EARS2: variants seen among roughly 807,000 people sequenced by gnomAD.
The protein encoded by EARS2 is nondiscriminating glutamyl-tRNA synthetase EARS2, mitochondrial.
A neutral mutation model predicts 54.1 loss-of-function variants in EARS2; 50 were observed. The ratio of observed to expected loss-of-function variants is 0.92; its 90% confidence interval spans 0.74 to 1.17. EARS2 has a LOEUF of 1.17. Among genes scored for constraint, EARS2 ranks in the 50% most tolerant of loss-of-function variants. The pLI is 0.00. For missense variants in EARS2, 673 were observed against 675.0 expected, an observed-to-expected ratio of 1.00 and a Z score of 0.03; for synonymous variants, 298 against 281.0, an observed-to-expected ratio of 1.06 and a Z score of -0.61.
intron 2 of EARS2, among the ~76,000 whole-genome samples, chr16:23,548,633 G>T (rs1377039197): frequency 6.6e-6 from 1 of 152,062 alleles, no homozygotes; most frequent in Admixed American, 6.6e-5. Context: ...CTCCAGGCTG[G>T]AGTGTAATGG....
chr16:23,542,124 C>A (rs895022817), intron 3 of EARS2, among the ~76,000 whole-genome samples: 1 of 150,500 alleles, frequency 6.6e-6, no homozygotes, highest in Non-Finnish European at 1.5e-5. Flanking sequence ...TCCCAACGTA[C>A]GGGGATTACA....
At chr16:23,527,888 C>A (rs571981915) in intron 7 of EARS2, among the ~76,000 whole-genome samples, 59 of 152,284 alleles carry the variant, frequency 3.9e-4, no homozygotes, top group Admixed American at 6.5e-4. Context: ...TCTCTATGTT[C>A]GGAATGTTTG....
At chr16:23,536,672 C>CTT (rs1195696509) in intron 3 of EARS2, among the ~76,000 whole-genome samples, 3 of 141,916 alleles carry the variant, frequency 2.1e-5, no homozygotes, top group Non-Finnish European at 4.6e-5. Flanking sequence ...AAAAAAAAAA[C>CTT]TTTTTTTTTC....
chr16:23,529,302 A>T, intron 7 of EARS2, among the ~76,000 whole-genome samples, 200 bp downstream of exon 7: 1 of 152,220 alleles, frequency 6.6e-6, no homozygotes. Context: ...GCAAGCAGTG[A>T]ACACATGCCT....
intron 7 of EARS2, 135 bp downstream of exon 7, chr16:23,529,367 A>C (rs1037000950): frequency 8.4e-7 from 1 of 1,190,062 alleles, no homozygotes; most frequent in Admixed American, 2.7e-5. Context: ...AGCGAAAGCC[A>C]GTGAAGGGTC....
intron 8 of EARS2, among the ~76,000 whole-genome samples, 192 bp from the exon 9 acceptor site, chr16:23,524,646 C>CTT (rs1172358291): frequency 7.2e-4 from 95 of 132,684 alleles, no homozygotes; most frequent in African/African-American, 1.5e-3. Context: ...AACCACCGCC[C>CTT]TTTTTTTTTT....
intron 3 of EARS2, among the ~76,000 whole-genome samples, chr16:23,539,667 T>C (rs1256789336): frequency 6.6e-6 from 1 of 151,092 alleles, no homozygotes; most frequent in Non-Finnish European, 1.5e-5. Flanking sequence ...AATAAATAAA[T>C]AAATGGCTGC....
intron 2 of EARS2, among the ~76,000 whole-genome samples, chr16:23,551,719 A>T (rs1319286745): frequency 6.6e-6 from 1 of 152,092 alleles, no homozygotes; most frequent in African/African-American, 2.4e-5. Flanking sequence ...GGAGGTCAAG[A>T]TCATCCTTGC....
intron 7 of EARS2, 135 bp from the exon 8 acceptor site, chr16:23,525,514 G>A: frequency 9.5e-7 from 1 of 1,053,840 alleles, no homozygotes; most frequent in Non-Finnish European, 1.4e-6. Flanking sequence ...TGAGGGAGGT[G>A]AGGAAGATAT....
chr16:23,537,600 C>G (rs1339901715), intron 3 of EARS2: 3 of 152,096 alleles, frequency 2.0e-5, no homozygotes, highest in Non-Finnish European at 2.9e-5. Context: ...GGGACAAGGT[C>G]TCACTCTCGT....
chr16:23,530,276 T>C (rs1434413924), intron 5 of EARS2, among the ~76,000 whole-genome samples: 1 of 151,926 alleles, frequency 6.6e-6, no homozygotes, highest in African/African-American at 2.4e-5. Flanking sequence ...CAGACACACA[T>C]CACCATGCCC....
At chr16:23,554,273 G>A (rs888078238) in intron 1 of EARS2, among the ~76,000 whole-genome samples, 1 of 151,998 alleles carries the variant, frequency 6.6e-6, no homozygotes, top group African/African-American at 2.4e-5. Context: ...TTACACTTCA[G>A]CCTCCCAAAG....
intron 3 of EARS2, among the ~76,000 whole-genome samples, chr16:23,540,789 C>G (rs1229580107): frequency 6.6e-6 from 1 of 151,884 alleles, no homozygotes; most frequent in African/African-American, 2.4e-5. Context: ...TCAAGACCAG[C>G]CTGGGTAACA....
chr16:23,540,019 C>T (rs1225194184), intron 3 of EARS2, among the ~76,000 whole-genome samples: 2 of 151,948 alleles, frequency 1.3e-5, no homozygotes, highest in Admixed American at 6.6e-5. Flanking sequence ...CCGGGCATGG[C>T]GGCACACACC....
rs541993109 is a variant in EARS2 at position 23,553,874 on chromosome 16, C to T, written c.140-1570G>A. The stretch of plus-strand genomic sequence containing the variant: ...TCGCACCATTGCACTCCAGCCTGGG[C>T]GACAGGGCGAGACTCCATCTCCAAA... On this transcript the variant is annotated intron_variant, in intron 1 of 8. Coordinates refer to ENST00000449606, the MANE Select transcript of EARS2 (RefSeq NM_001083614.2). 4.1e-5 allele frequency among the ~76,000 whole-genome samples: 6 copies of T among 147,938 alleles called. No individual in the cohort carries two copies. The East Asian group carries it at 7.8e-4, about 19-fold the overall frequency.
intron 8 of EARS2, 63 bp from the exon 9 acceptor site, chr16:23,524,517 G>C: frequency 1.4e-6 from 2 of 1,417,266 alleles, no homozygotes; most frequent in South Asian, 2.3e-5. Context: ...CTGAAGCTCA[G>C]CCTTAGTCTG....
intron 1 of EARS2, among the ~76,000 whole-genome samples, chr16:23,553,887 C>G (rs1023423162): frequency 6.7e-6 from 1 of 148,322 alleles, no homozygotes; most frequent in Non-Finnish European, 1.5e-5. Context: ...CAGGGCGAGA[C>G]TCCATCTCCA....
At chr16:23,525,200 A>G in intron 8 of EARS2, 44 bp downstream of exon 8, 4 of 1,614,076 alleles carry the variant, frequency 2.5e-6, no homozygotes, top group Non-Finnish European at 3.4e-6. Flanking sequence ...CAAAGGATCA[A>G]TGAGGGGCTC....
chr16:23,534,608 G>A (rs935973795), intron 4 of EARS2, among the ~76,000 whole-genome samples: 6 of 152,104 alleles, frequency 3.9e-5, no homozygotes, highest in Non-Finnish European at 7.4e-5. Context: ...ACCCAATGAG[G>A]TAGACACTTA....
Sources: gnomAD v4.1 joint callset for allele counts (sites outside exome capture counted in the v4.1 genomes callset) on GRCh38, gnomAD v4.1.1 for gene constraint, MANE v1.5 for transcripts, NCBI Gene and HGNC (gene_info 2026-07-23, HGNC 2026-07-21) for gene names.